The following CELF2 variants were observed in gnomAD, a reference collection of about 807,000 sequenced individuals.
CELF2 encodes CUGBP Elav-like family member 2.
A neutral mutation model predicts 62.6 loss-of-function variants in CELF2; 8 were observed. The observed-to-expected ratio is 0.13, with a 90% CI of 0.07 to 0.23. CELF2 has a LOEUF of 0.23. CELF2 is among the 10% of genes least tolerant of loss of function. CELF2 has a pLI of 1.00. For missense variants in CELF2, 333 were observed against 671.0 expected, an observed-to-expected ratio of 0.50 and a Z score of 5.56; for synonymous variants, 258 against 250.0, an observed-to-expected ratio of 1.03 and a Z score of -0.30.
chr10:10,595,351 G>A, the CELF2 span, among the ~76,000 whole-genome samples: 1 of 152,116 alleles, frequency 6.6e-6, no homozygotes, highest in Non-Finnish European at 1.5e-5. Context: ...GGCTGTGCTG[G>A]GACCAGGTCA....
the CELF2 span, among the ~76,000 whole-genome samples, chr10:10,471,007 G>C: frequency 6.6e-6 from 1 of 150,478 alleles, no homozygotes; most frequent in Non-Finnish European, 1.5e-5. Context: ...TTATGAAATT[G>C]CTTTTTTTCA....
chr10:10,753,410 A>AT, the CELF2 span, among the ~76,000 whole-genome samples: 1 of 151,960 alleles, frequency 6.6e-6, no homozygotes, highest in African/African-American at 2.4e-5. Flanking sequence ...TTCACAAAAA[A>AT]ATATATACTT....
At chr10:10,554,058 A>G in the CELF2 span, among the ~76,000 whole-genome samples, 1 of 152,142 alleles carries the variant, frequency 6.6e-6, no homozygotes, top group South Asian at 2.1e-4. Flanking sequence ...ACTGGGAGCC[A>G]TTGTGTGATC....
intron 1 of CELF2, among the ~76,000 whole-genome samples, chr10:10,816,544 C>G (rs981327965): frequency 1.3e-5 from 2 of 152,132 alleles, no homozygotes; most frequent in Admixed American, 6.5e-5. Flanking sequence ...ACTGAATAGC[C>G]ATAGAGCTGT....
Position 11,270,057 on chromosome 10 carries a change from A to G in CELF2, c.619-609A>G, listed in dbSNP as rs1406577026. ...GGCCTCTCTGAAAACGTGAACGGTTACTTTGGAGAATGCCTGTGTTCTCTG... is the reference window on the plus strand; with the variant it reads ...GGCCTCTCTGAAAACGTGAACGGTTGCTTTGGAGAATGCCTGTGTTCTCTG... On this transcript the variant is annotated intron_variant, in intron 6 of 12. Coordinates refer to ENST00000633077, the MANE Select transcript of CELF2 (RefSeq NM_001326342.2). This position sits in a 1 kb window ranked among gnomAD's most constrained non-coding sequence, Gnocchi z 5.8. Among the ~76,000 whole-genome samples, 1 of 152,212 alleles carries G rather than the reference A, an allele frequency of 6.6e-6. No individual in the cohort carries two copies. The highest frequency in any genetic ancestry group is 1.5e-5 in the Non-Finnish European group (1 of 68,034).
chr10:11,245,979 A>G (rs994211300), intron 3 of CELF2, among the ~76,000 whole-genome samples: 8 of 152,188 alleles, frequency 5.3e-5, no homozygotes, highest in Non-Finnish European at 7.3e-5. Context: ...ACCTGTGTCT[A>G]TGCAGTCACT....
the CELF2 span, among the ~76,000 whole-genome samples, chr10:10,490,058 T>G: frequency 6.6e-6 from 1 of 150,482 alleles, no homozygotes; most frequent in Non-Finnish European, 1.5e-5. Flanking sequence ...CATTTGATTA[T>G]TCTTCCAGTA....
chr10:10,547,731 A>G, the CELF2 span, among the ~76,000 whole-genome samples: 8 of 131,618 alleles, frequency 6.1e-5, no homozygotes, highest in Non-Finnish European at 8.3e-5. Context: ...GTGTGTGTGT[A>G]TCTCAGCAAT....
At position 11,072,950 on chromosome 10, in the gene CELF2, CTAA is replaced by C. The variant is rs574925229; in HGVS notation, c.74+54791_74+54793del. Reference sequence around the variant, plus strand: ...ACTATATTAAAATGTTAATACTATACTAATAACTATATTAATATCCTATTACAT... The same window carrying C: ...ACTATATTAAAATGTTAATACTATACTAACTATATTAATATCCTATTACAT... On this transcript the variant is annotated intron_variant, in intron 1 of 12. Transcript: ENST00000633077. Among the ~76,000 whole-genome samples, 149 of 151,752 alleles carry C rather than the reference CTAA, an allele frequency of 9.8e-4. 2 individuals carry two copies. The highest frequency in any genetic ancestry group is 3.4e-3 in the African/African-American group (142 of 41,360).
At chr10:11,058,461 G>GTTTTTTTGTTTTTTTTTT (rs2065868708) in intron 1 of CELF2, among the ~76,000 whole-genome samples, 1 of 116,806 alleles carries the variant, frequency 8.6e-6, no homozygotes. Flanking sequence ...TTTTTTGTTG[G>GTTTTTTTGTTTTTTTTTT]TTTTTTTTTT....
intron 1 of CELF2, among the ~76,000 whole-genome samples, chr10:11,044,955 G>T (rs1021159515): frequency 1.3e-5 from 2 of 152,192 alleles, no homozygotes; most frequent in Non-Finnish European, 2.9e-5. Flanking sequence ...ATTCCAGATT[G>T]TTCAAGTGCC....
At chr10:11,103,826 A>G (rs937177950) in intron 1 of CELF2, among the ~76,000 whole-genome samples, 1 of 152,188 alleles carries the variant, frequency 6.6e-6, no homozygotes, top group South Asian at 2.1e-4. Flanking sequence ...AGGTAGCCCA[A>G]AAGATTAAAG....
chr10:10,501,839 A>C, the CELF2 span, among the ~76,000 whole-genome samples: 1 of 152,154 alleles, frequency 6.6e-6, no homozygotes, highest in Middle Eastern at 3.2e-3. Context: ...ACATTTTTGC[A>C]TTGTCCTTGA....
chr10:11,205,833 C>T (rs2060298649), intron 2 of CELF2, among the ~76,000 whole-genome samples: 3 of 152,186 alleles, frequency 2.0e-5, no homozygotes, highest in East Asian at 3.8e-4. Flanking sequence ...GGGGTGAAGA[C>T]AGTTATAACG....
intron 1 of CELF2, among the ~76,000 whole-genome samples, chr10:11,152,560 C>A (rs1203697367): frequency 1.3e-5 from 2 of 152,220 alleles, no homozygotes; most frequent in African/African-American, 4.8e-5. Context: ...TTCAACTTGT[C>A]ACCTTTTAAC....
At chr10:10,953,532 C>T (rs2048549023) in intron 2 of CELF2, among the ~76,000 whole-genome samples, 1 of 152,034 alleles carries the variant, frequency 6.6e-6, no homozygotes, top group Non-Finnish European at 1.5e-5. Context: ...TTGTTCTTCT[C>T]TAAGTGTAAA....
At chr10:11,128,696 A>G (rs1392744623) in intron 1 of CELF2, among the ~76,000 whole-genome samples, 2 of 152,178 alleles carry the variant, frequency 1.3e-5, no homozygotes, top group East Asian at 3.8e-4. Context: ...ATTGGTGTAT[A>G]GGAATGCTTG....
rs1185578364 is a variant in CELF2, at chr10:11,296,386, C to T, written c.976+7834C>T. 6.6e-6 allele frequency among the ~76,000 whole-genome samples: 1 copy of T among 152,084 alleles called. No individual in the cohort carries two copies. Among genetic ancestry groups the T allele is most frequent in the African/African-American group, 2.4e-5 (1 of 41,396 alleles). ...GCTCAGGCTGTGTTTTCTGTCCAGCCACTTAATGAGATTTTTTATTCTCAC... is the reference window on the plus strand; with the variant it reads ...GCTCAGGCTGTGTTTTCTGTCCAGCTACTTAATGAGATTTTTTATTCTCAC... On this transcript the variant is annotated intron_variant, in intron 9 of 12. Transcript: ENST00000633077. This position sits in a 1 kb window ranked among gnomAD's most constrained non-coding sequence, Gnocchi z 5.0.
the CELF2 span, among the ~76,000 whole-genome samples, chr10:10,767,235 G>A: frequency 4.6e-5 from 7 of 151,300 alleles, no homozygotes; most frequent in African/African-American, 1.5e-4. Context: ...CACCACCACC[G>A]ACACCACCAT....
Sources: gnomAD v4.1 joint callset for allele counts (sites outside exome capture counted in the v4.1 genomes callset) on GRCh38, gnomAD v4.1.1 for gene constraint, Gnocchi (gnomAD v3.1) non-coding constraint, MANE v1.5 for transcripts, NCBI Gene and HGNC (gene_info 2026-07-23, HGNC 2026-07-21) for gene names.